Variants in METTL8 observed in about 807,000 individuals in gnomAD.
The protein encoded by METTL8 is methyltransferase 8, tRNA N3-cytidine.
METTL8 carries 32 observed loss-of-function variants against 48.7 expected under a neutral mutation model. The ratio of observed to expected loss-of-function variants is 0.66; its 90% CI spans 0.50 to 0.88. The LOEUF is 0.88. METTL8 is among the 40% of genes least tolerant of loss of function. The pLI is 0.00. For synonymous variants in METTL8, 136 were observed against 157.1 expected, an observed-to-expected ratio of 0.87 and a Z score of 1.01; for missense variants, 464 against 474.4, an observed-to-expected ratio of 0.98 and a Z score of 0.20.
intron 1 of METTL8, among the ~76,000 whole-genome samples, chr2:171,393,248 G>A (rs371643250): frequency 2.6e-5 from 4 of 151,802 alleles, no homozygotes; most frequent in East Asian, 3.9e-4. Context: ...TAGTGAGACC[G>A]TTTCTTCAAA....
At chr2:171,356,956 T>TTTTTTTTTTTGTTTG (rs1684637919) in intron 3 of METTL8, among the ~76,000 whole-genome samples, 3 of 121,754 alleles carry the variant, frequency 2.5e-5, no homozygotes, top group Non-Finnish European at 3.5e-5. Context: ...GACAATATTT[T>TTTTTTTTTTTGTTTG]TTTTTTTTTT....
chr2:171,372,658 G>A (rs994763629), intron 2 of METTL8, among the ~76,000 whole-genome samples: 58 of 151,608 alleles, frequency 3.8e-4, no homozygotes, highest in Admixed American at 1.2e-3. Flanking sequence ...AACAGGCCCC[G>A]GTGTGTGACG....
chr2:171,331,892 T>C, intron 5 of METTL8, 25 bp from the exon 6 acceptor site: 9 of 1,541,578 alleles, frequency 5.8e-6, no homozygotes, highest in Non-Finnish European at 7.9e-6. Flanking sequence ...GAAATATTTA[T>C]TTATTTTTTT....
rs146154726 is a variant in METTL8 at position 171,343,240 on chromosome 2, G to C, written c.236-3686C>G. Among the ~76,000 whole-genome samples, 292 of 152,256 alleles carry C rather than the reference G, an allele frequency of 1.9e-3. 7 individuals carry two copies. The East Asian group carries it at 0.029, about 15-fold the overall frequency. On this transcript the variant is annotated intron_variant, in intron 3 of 9. Coordinates refer to ENST00000375258, the MANE Select transcript of METTL8 (RefSeq NM_001321154.2). ...AGATCACCTGAGGTCAGGAGCTCGA[G>C]ACCGGCCTGACCAACATGGAGAAAC...
At chr2:171,350,905 C>T (rs1291124270) in intron 3 of METTL8, among the ~76,000 whole-genome samples, 1 of 152,132 alleles carries the variant, frequency 6.6e-6, no homozygotes, top group Admixed American at 6.6e-5. Context: ...TTCTCCCATT[C>T]TGTAGGTTGC....
At chr2:171,377,023 G>A (rs999008495) in intron 2 of METTL8, among the ~76,000 whole-genome samples, 2 of 152,118 alleles carry the variant, frequency 1.3e-5, no homozygotes, top group East Asian at 3.8e-4. Context: ...ACAGAATATA[G>A]AACTCAGAAA....
rs1215682421 is a variant in METTL8, at chr2:171,318,806, T to C, written c.*5366A>G. On this transcript the variant is annotated 3_prime_UTR_variant, in exon 10 of 10. Transcript: ENST00000375258. ...GAAAGCTCTTTCTTCCCTGGTGCCT[T>C]TCCCAGCAGCATTTGGGCCCATCCA... 6.6e-6 allele frequency: 1 copy of C among 151,846 alleles called. No individual in the cohort carries two copies. The highest frequency in any genetic ancestry group is 1.5e-5 in the Non-Finnish European group (1 of 68,008). 9.4% of individuals were successfully genotyped at this position (151,846 alleles called of 1,614,324 possible). A position where few individuals can be genotyped will look rare whatever the true frequency, so the allele number is the denominator to read the frequency against.
At chr2:171,357,068 C>A (rs1575822475) in intron 3 of METTL8, among the ~76,000 whole-genome samples, 1 of 150,146 alleles carries the variant, frequency 6.7e-6, no homozygotes, top group African/African-American at 2.4e-5. Context: ...AGTGATTCTC[C>A]CACCTCAGCC....
chr2:171,430,213 C>G (rs1574269451), intron 1 of METTL8, among the ~76,000 whole-genome samples: 1 of 151,900 alleles, frequency 6.6e-6, no homozygotes, highest in Admixed American at 6.6e-5. Flanking sequence ...TTAAAATTAG[C>G]CAGGGATGGT....
chr2:171,401,382 T>A (rs1689623288), intron 1 of METTL8, among the ~76,000 whole-genome samples: 1 of 152,110 alleles, frequency 6.6e-6, no homozygotes, highest in African/African-American at 2.4e-5. Flanking sequence ...TTTCTTTGGA[T>A]GATTATAATT....
At chr2:171,415,184 G>A (rs1691181264) in intron 1 of METTL8, among the ~76,000 whole-genome samples, 1 of 151,900 alleles carries the variant, frequency 6.6e-6, no homozygotes, top group Non-Finnish European at 1.5e-5. Flanking sequence ...AAAAAGTCAG[G>A]TACAAGATAG....
At chr2:171,416,474 T>C (rs549093414) in intron 1 of METTL8, among the ~76,000 whole-genome samples, 1 of 152,332 alleles carries the variant, frequency 6.6e-6, no homozygotes, top group African/African-American at 2.4e-5. Flanking sequence ...AAAACTAAAG[T>C]GCTGTGAGAA....
chr2:171,337,745 T>C (rs992231399), intron 4 of METTL8, among the ~76,000 whole-genome samples: 3 of 149,070 alleles, frequency 2.0e-5, no homozygotes, highest in Non-Finnish European at 4.5e-5. Context: ...AAATAACCAA[T>C]ACGCTGTGAA....
intron 3 of METTL8, among the ~76,000 whole-genome samples, chr2:171,347,582 T>C (rs777857275): frequency 3.9e-4 from 60 of 152,250 alleles, no homozygotes; most frequent in Non-Finnish European, 6.8e-4. Context: ...TTGTGGATAA[T>C]TTTTAACTTC....
intron 1 of METTL8, among the ~76,000 whole-genome samples, chr2:171,426,950 T>G (rs1692482068): frequency 1.3e-5 from 2 of 152,240 alleles, no homozygotes; most frequent in African/African-American, 4.8e-5. Flanking sequence ...AGATCTGATT[T>G]TATTCACTTT....
At chr2:171,361,310 A>C (rs1380829152) in intron 2 of METTL8, among the ~76,000 whole-genome samples, 1 of 151,744 alleles carries the variant, frequency 6.6e-6, no homozygotes, top group Non-Finnish European at 1.5e-5. Flanking sequence ...GGAATAAACC[A>C]GGAATAATTT....
At chr2:171,374,162 TC>T (rs2105510039) in intron 2 of METTL8, among the ~76,000 whole-genome samples, 1 of 151,998 alleles carries the variant, frequency 6.6e-6, no homozygotes, top group East Asian at 1.9e-4. Flanking sequence ...TAGAGGTCCT[TC>T]GCATCCCTTG....
intron 3 of METTL8, among the ~76,000 whole-genome samples, chr2:171,360,166 T>C (rs898769100): frequency 1.3e-5 from 2 of 152,200 alleles, no homozygotes; most frequent in Non-Finnish European, 2.9e-5. Flanking sequence ...TATGTTTTCA[T>C]ATTTTGTTTG....
In METTL8 at chr2:171,339,024, T is replaced by C. The variant is rs537948718; in HGVS notation, c.606+160A>G. On this transcript the variant is annotated intron_variant, in intron 4 of 9. Coordinates refer to ENST00000375258, the MANE Select transcript of METTL8 (RefSeq NM_001321154.2). ...CTTAAAACTTGACTGATTAAAGACA[T>C]GAGTCCCTTAGATATTATTTATGCA... is the stretch of plus-strand genomic sequence containing the variant. Among the ~76,000 whole-genome samples the C allele has an allele frequency of 2.4e-4, 36 of 152,198 alleles. 1 individual carries two copies. The South Asian group carries it at 7.5e-3, about 32-fold the overall frequency.
Sources: allele counts gnomAD v4.1 joint callset (sites outside exome capture counted in the v4.1 genomes callset), GRCh38; gene constraint gnomAD v4.1.1; transcripts MANE v1.5; gene names NCBI Gene and HGNC (gene_info 2026-07-23, HGNC 2026-07-21).